Variants in TMOD1 observed in about 807,000 individuals in gnomAD.
TMOD1 encodes tropomodulin 1.
TMOD1 carries 17 observed loss-of-function variants against 40.6 expected under a neutral mutation model. The ratio of observed to expected loss-of-function variants is 0.42; its 90% CI spans 0.29 to 0.63. The LOEUF (loss-of-function observed/expected upper bound fraction) is 0.63. Among genes scored for constraint, TMOD1 ranks in the 20% least tolerant of loss-of-function variants. The pLI, the probability that TMOD1 is intolerant of heterozygous loss-of-function variation, is 0.22. For synonymous variants in TMOD1, 181 were observed against 175.0 expected (o/e 1.03, Z -0.27); for missense variants, 391 against 447.6 (o/e 0.87, Z 1.14).
Position 97,595,533 on chromosome 9 carries a change from C to CTTTT in TMOD1, c.1016-4084_1016-4081dup, listed in dbSNP as rs71487335. ...ATGTGGTTGCAAATGAACAAATTTC[C>CTTTT]TTTTTTTTTTTTTTTTTTTTAAAGA... On this transcript the variant is annotated intron_variant, in intron 9 of 9. Coordinates refer to ENST00000259365, the MANE Select transcript of TMOD1 (RefSeq NM_003275.4). 1.8e-3 allele frequency among the ~76,000 whole-genome samples: 216 copies of CTTTT among 121,666 alleles called. 1 individual carries two copies. The highest frequency in any genetic ancestry group is 5.8e-3 in the African/African-American group (188 of 32,476). The allele number at this position is 121,666 out of a possible 152,430, so 79.8% of individuals were successfully genotyped here.
intron 2 of TMOD1, among the ~76,000 whole-genome samples, chr9:97,538,768 G>A (rs901438315): frequency 6.6e-6 from 1 of 152,022 alleles, no homozygotes; most frequent in Non-Finnish European, 1.5e-5. Context: ...AGGCCAAGGT[G>A]GGTGGATCAC....
At chr9:97,565,421 C>G (rs1054993782) in intron 6 of TMOD1, among the ~76,000 whole-genome samples, 12 of 152,060 alleles carry the variant, frequency 7.9e-5, no homozygotes, top group African/African-American at 2.7e-4. Flanking sequence ...TCATATGCAA[C>G]CCCCTTACCT....
At chr9:97,521,836 A>G (rs577257419) in intron 1 of TMOD1, among the ~76,000 whole-genome samples, 6 of 152,254 alleles carry the variant, frequency 3.9e-5, no homozygotes, top group Non-Finnish European at 7.3e-5. Context: ...TTACACTGAT[A>G]AAATGTGCTC....
chr9:97,598,458 C>T (rs527883737), intron 9 of TMOD1, among the ~76,000 whole-genome samples: 6 of 152,168 alleles, frequency 3.9e-5, no homozygotes, highest in Admixed American at 2.0e-4. Flanking sequence ...ATTCCAGCAG[C>T]GTTGGAGGGG....
At chr9:97,593,157 G>T (rs576648983) in intron 9 of TMOD1, among the ~76,000 whole-genome samples, 1 of 152,186 alleles carries the variant, frequency 6.6e-6, no homozygotes, top group African/African-American at 2.4e-5. Context: ...CCTATCTCTG[G>T]GCTAACCCAG....
chr9:97,553,420 C>A lies in TMOD1; in HGVS notation c.397+20C>A, dbSNP rs367838914. The A allele has an allele frequency of 6.2e-7, 1 of 1,613,848 alleles. No individual in the cohort carries two copies. The highest frequency in any genetic ancestry group is 8.5e-7 in the Non-Finnish European group (1 of 1,179,858). Reference sequence around the variant, plus strand: ...TTGCAGGTAAGAGGCGTTCCAGGAGCTTTCCACATCCTCCAGAAGGATTTG... The same window carrying A: ...TTGCAGGTAAGAGGCGTTCCAGGAGATTTCCACATCCTCCAGAAGGATTTG... On this transcript the variant is annotated intron_variant, in intron 4 of 9. Transcript: ENST00000259365.
At chr9:97,594,537 A>G (rs111313425) in intron 9 of TMOD1, among the ~76,000 whole-genome samples, 11 of 152,314 alleles carry the variant, frequency 7.2e-5, no homozygotes, top group African/African-American at 2.6e-4. Flanking sequence ...CCTCCTGCTC[A>G]TTCTCACCTG....
At chr9:97,522,108 C>T (rs1246548647) in intron 1 of TMOD1, among the ~76,000 whole-genome samples, 1 of 152,182 alleles carries the variant, frequency 6.6e-6, no homozygotes, top group African/African-American at 2.4e-5. Flanking sequence ...ATATCTGTTA[C>T]ATAAGTTTGC....
chr9:97,598,691 A>G (rs1223573214), intron 9 of TMOD1, among the ~76,000 whole-genome samples: 1 of 152,160 alleles, frequency 6.6e-6, no homozygotes, highest in Admixed American at 6.5e-5. Context: ...TCTGCTTTGT[A>G]TGGCCAGTGT....
chr9:97,580,971 T>TTTTTTTTTTA (rs1825738087), intron 8 of TMOD1, among the ~76,000 whole-genome samples: 1 of 132,348 alleles, frequency 7.6e-6, no homozygotes, highest in Non-Finnish European at 1.6e-5. Context: ...GCATAATTCT[T>TTTTTTTTTTA]TTTTATTTTA....
intron 9 of TMOD1, 49 bp from the exon 10 acceptor site, chr9:97,599,585 C>A: frequency 6.2e-7 from 1 of 1,613,052 alleles, no homozygotes; most frequent in Middle Eastern, 1.7e-4. Flanking sequence ...GTGCTGGCCC[C>A]TGGTCTACAG....
chr9:97,528,501 C>G (rs973492346), intron 2 of TMOD1, among the ~76,000 whole-genome samples: 2 of 152,146 alleles, frequency 1.3e-5, no homozygotes, highest in Admixed American at 6.5e-5. Context: ...CTGTCCCAGC[C>G]ACACAATTGA....
At chr9:97,560,987 G>T (rs1830631815) in intron 4 of TMOD1, among the ~76,000 whole-genome samples, 1 of 152,232 alleles carries the variant, frequency 6.6e-6, no homozygotes, top group African/African-American at 2.4e-5. Context: ...TGTAGCTGGA[G>T]CAGAGAAGCT....
chr9:97,587,566 T>C (rs1047553238), intron 8 of TMOD1, among the ~76,000 whole-genome samples: 12 of 122,324 alleles, frequency 9.8e-5, no homozygotes, highest in Admixed American at 2.6e-4. Flanking sequence ...TCTAATTGTT[T>C]GTTTTTTTTT....
At chr9:97,572,005 C>T (rs1830825592) in intron 8 of TMOD1, among the ~76,000 whole-genome samples, 1 of 152,112 alleles carries the variant, frequency 6.6e-6, no homozygotes, top group Non-Finnish European at 1.5e-5. Context: ...AAGATGGTTG[C>T]AGAAATGACC....
chr9:97,531,269 A>G (rs140550529), intron 2 of TMOD1, among the ~76,000 whole-genome samples: 1 of 152,298 alleles, frequency 6.6e-6, no homozygotes, highest in Non-Finnish European at 1.5e-5. Flanking sequence ...CTATTAAGTG[A>G]TAGAATTCAG....
chr9:97,510,223 T>C (rs1829672932), intron 1 of TMOD1, among the ~76,000 whole-genome samples: 1 of 144,812 alleles, frequency 6.9e-6, no homozygotes, highest in Admixed American at 7.1e-5. Context: ...TCCACAAGCT[T>C]TCCTACAAGT....
chr9:97,565,246 T>G (rs1370918074), intron 6 of TMOD1, among the ~76,000 whole-genome samples: 3 of 152,172 alleles, frequency 2.0e-5, no homozygotes, highest in African/African-American at 7.2e-5. Flanking sequence ...GGTTTTCACC[T>G]GAGAAGATTA....
intron 2 of TMOD1, among the ~76,000 whole-genome samples, chr9:97,534,421 T>C (rs1830149069): frequency 6.6e-6 from 1 of 152,196 alleles, no homozygotes; most frequent in African/African-American, 2.4e-5. Flanking sequence ...TAGCTTGGCA[T>C]TTCCCAAAAC....
Sources: gnomAD v4.1 joint callset for allele counts (sites outside exome capture counted in the v4.1 genomes callset) on GRCh38, gnomAD v4.1.1 for gene constraint, MANE v1.5 for transcripts, NCBI Gene and HGNC (gene_info 2026-07-23, HGNC 2026-07-21) for gene names.